RAB27A: variants seen among roughly 807,000 people sequenced by gnomAD.
RAB27A encodes the protein RAB27A, member RAS oncogene family.
A neutral mutation model predicts 20.8 loss-of-function variants in RAB27A; 17 were observed. The ratio of observed to expected loss-of-function variants is 0.82; its 90% CI spans 0.56 to 1.23. The LOEUF (loss-of-function observed/expected upper bound fraction) is 1.23. Ranked by LOEUF, RAB27A falls within the 50% of genes most tolerant of loss-of-function variation. The probability of loss-of-function intolerance (pLI) is 0.00; values close to 1 mark genes in which losing one functional copy is unlikely to be tolerated. For synonymous variants in RAB27A, 85 were observed against 92.8 expected (o/e 0.92, Z 0.48); for missense variants, 277 against 266.7 (o/e 1.04, Z -0.27).
chr15:55,295,793 T>C (rs934096739), intron 2 of RAB27A, among the ~76,000 whole-genome samples: 1 of 152,160 alleles, frequency 6.6e-6, no homozygotes, highest in Non-Finnish European at 1.5e-5. Context: ...TTGCACAACA[T>C]TGTGAATGTA....
rs1445785656 is a variant in RAB27A, at chr15:55,303,586, AGCCGCCCCG to A, written c.-112+10444_-112+10452del. On this transcript the variant is annotated intron_variant, in intron 2 of 5. Coordinates refer to the RAB27A transcript ENST00000563262. Reference sequence around the variant, plus strand: ...GGGGGGGTCGGCCCCCCGCCCGGCCAGCCGCCCCGTCCGGGAGGGAGGTGAGGGGGTCGG... The same window carrying A: ...GGGGGGGTCGGCCCCCCGCCCGGCCATCCGGGAGGGAGGTGAGGGGGTCGG... Among the ~76,000 whole-genome samples, 18 of 79,702 alleles carry A rather than the reference AGCCGCCCCG, an allele frequency of 2.3e-4. 1 individual carries two copies. The highest frequency in any genetic ancestry group is 7.3e-5 in the Non-Finnish European group (3 of 41,166). The allele number at this position is 79,702 out of a possible 152,430, so 52.3% of individuals were successfully genotyped here.
chr15:55,287,401 C>T (rs1898185052), intron 1 of RAB27A, among the ~76,000 whole-genome samples: 1 of 152,094 alleles, frequency 6.6e-6, no homozygotes, highest in Non-Finnish European at 1.5e-5. Context: ...ACTTTAAAAC[C>T]CTTACATCTA....
intron 2 of RAB27A, among the ~76,000 whole-genome samples, chr15:55,302,540 C>G (rs2054976951): frequency 6.7e-6 from 1 of 148,406 alleles, no homozygotes; most frequent in African/African-American, 2.5e-5. Flanking sequence ...CGCCCATCGT[C>G]TGGGATGCGA....
intron 1 of RAB27A, among the ~76,000 whole-genome samples, chr15:55,285,369 A>AG (rs1898123464): frequency 6.6e-6 from 1 of 152,076 alleles, no homozygotes; most frequent in Admixed American, 6.6e-5. Flanking sequence ...CTCGTAAGAG[A>AG]GGCATCTAAT....
chr15:55,259,576 C>A (rs1897203528), intron 2 of RAB27A, among the ~76,000 whole-genome samples: 1 of 152,158 alleles, frequency 6.6e-6, no homozygotes, highest in Non-Finnish European at 1.5e-5. Context: ...TGTGAGCCAC[C>A]ATGCCCAGCC....
rs1896186645 is a variant in RAB27A at position 55,234,814 on chromosome 15, T to C, written c.121A>G (p.Thr41Ala). 4.3e-6 allele frequency: 7 copies of C among 1,611,984 alleles called. No homozygotes were observed. The highest frequency in any genetic ancestry group is 5.9e-6 in the Non-Finnish European group (7 of 1,178,290). The change falls in exon 3 of 7, where the codon ACA (threonine) becomes GCA (alanine). Residue 41 changes from threonine (T) to alanine (A), a missense_variant. Thr to Ala is a moderately conservative substitution (Grantham distance 58). Coordinates refer to ENST00000336787, the MANE Select transcript of RAB27A (RefSeq NM_183235.3). ...TTTTCCCTGAAATCAATGCCCACTG[T>C]TGTGATAAATTTGGAGTTAAATTTA... Reference protein sequence around the residue: ...DGKFNSKFITTVGIDFREKRV... With the variant: ...DGKFNSKFITAVGIDFREKRV...
chr15:55,250,044 C>T (rs1739084564), intron 2 of RAB27A, among the ~76,000 whole-genome samples: 1 of 152,056 alleles, frequency 6.6e-6, no homozygotes, highest in Non-Finnish European at 1.5e-5. Context: ...CTCACTGAAA[C>T]CACCACCTCC....
intron 2 of RAB27A, among the ~76,000 whole-genome samples, chr15:55,302,070 G>A (rs987727531): frequency 2.0e-5 from 3 of 151,704 alleles, no homozygotes; most frequent in Admixed American, 6.6e-5. Flanking sequence ...CCACCTATTC[G>A]GGAGGCTAAG....
At chr15:55,250,119 C>T (rs563898986) in intron 2 of RAB27A, among the ~76,000 whole-genome samples, 2 of 152,130 alleles carry the variant, frequency 1.3e-5, no homozygotes, top group African/African-American at 2.4e-5. Flanking sequence ...TGCGCAACCA[C>T]GCCCAGCTAA....
At chr15:55,256,616 T>C (rs1161383578) in intron 2 of RAB27A, among the ~76,000 whole-genome samples, 2 of 152,210 alleles carry the variant, frequency 1.3e-5, no homozygotes, top group African/African-American at 4.8e-5. Context: ...AGGATACAAA[T>C]GTGCCTCAGA....
chr15:55,239,357 G>A (rs1228167378), intron 2 of RAB27A, among the ~76,000 whole-genome samples: 1 of 152,138 alleles, frequency 6.6e-6, no homozygotes, highest in African/African-American at 2.4e-5. Context: ...ACAATCAGAA[G>A]CAACAAAAAC....
At chr15:55,248,293 C>T (rs1896763849) in intron 2 of RAB27A, among the ~76,000 whole-genome samples, 1 of 152,184 alleles carries the variant, frequency 6.6e-6, no homozygotes, top group African/African-American at 2.4e-5. Flanking sequence ...CATCTGGGTG[C>T]CATAACCTCT....
intron 1 of RAB27A, among the ~76,000 whole-genome samples, chr15:55,288,411 C>T (rs1041342820): frequency 2.0e-5 from 3 of 152,128 alleles, no homozygotes; most frequent in Non-Finnish European, 4.4e-5. Flanking sequence ...ATTCCAGCTA[C>T]TCTGGAGTCT....
At position 55,299,592 on chromosome 15, in the gene RAB27A, C is replaced by CAAAA. The variant is rs570200207; in HGVS notation, c.-112+14443_-112+14446dup. On this transcript the variant is annotated intron_variant, in intron 2 of 5. Coordinates refer to the RAB27A transcript ENST00000563262. ...TAGGTGACACAGTGAGAATCTGTCTCAAAAAAAAAAAAAAAAAAAGTCAGT... is the reference window on the plus strand; with the variant it reads ...TAGGTGACACAGTGAGAATCTGTCTCAAAAAAAAAAAAAAAAAAAAAAAGTCAGT... Among the ~76,000 whole-genome samples the CAAAA allele has an allele frequency of 8.2e-4, 58 of 70,304 alleles. 1 individual carries two copies. The highest frequency in any genetic ancestry group is 2.8e-3 in the African/African-American group (52 of 18,478). The allele number at this position is 70,304 out of a possible 152,430, so 46.1% of individuals were successfully genotyped here.
At chr15:55,206,311 T>TG in intron 6 of RAB27A, 1 of 784,646 alleles carries the variant, frequency 1.3e-6, no homozygotes, top group Non-Finnish European at 1.5e-6. Flanking sequence ...TAGGGGATTC[T>TG]GGAAGACAGA....
Position 55,230,493 on chromosome 15 carries a change from C to G in RAB27A, c.154-7G>C, listed in dbSNP as rs1199745486. 1.9e-6 allele frequency: 3 copies of G among 1,609,646 alleles called. No individual in the cohort carries two copies. The East Asian group carries it at 6.7e-5, about 36-fold the overall frequency. On this transcript the variant is annotated splice_polypyrimidine_tract_variant and splice_region_variant and intron_variant, in intron 3 of 6. Transcript: ENST00000336787. The stretch of plus-strand genomic sequence containing the variant: ...GCCCACTGGCTCTGTACACCTAAAA[C>G]AGCAAAGTGAAAGAGAAAACAAAAG...
chr15:55,210,628 C>T (rs911674233), intron 6 of RAB27A, among the ~76,000 whole-genome samples: 2 of 151,974 alleles, frequency 1.3e-5, no homozygotes, highest in African/African-American at 4.8e-5. Flanking sequence ...TTTGTTTTTG[C>T]TATTGAGTTA....
At chr15:55,255,174 T>C (rs1248694270) in intron 2 of RAB27A, among the ~76,000 whole-genome samples, 1 of 152,216 alleles carries the variant, frequency 6.6e-6, no homozygotes, top group Non-Finnish European at 1.5e-5. Flanking sequence ...CACCTACTTA[T>C]GTCTCTTTTC....
chr15:55,274,053 C>A lies in RAB27A; in HGVS notation c.-142-3769G>T, dbSNP rs144699582. ...ATCGAAATCATATTAATTATCTTTT[C>A]TGACCACACCGATATGTAACTAGAA... On this transcript the variant is annotated intron_variant, in intron 1 of 6. Coordinates refer to ENST00000336787, the MANE Select transcript of RAB27A (RefSeq NM_183235.3). Among the ~76,000 whole-genome samples, 145 of 152,304 alleles carry A rather than the reference C, an allele frequency of 9.5e-4. 1 individual carries two copies. The highest frequency in any genetic ancestry group is 3.4e-3 in the African/African-American group (140 of 41,556).
Sources: gnomAD v4.1 joint callset for allele counts (sites outside exome capture counted in the v4.1 genomes callset) on GRCh38, gnomAD v4.1.1 for gene constraint, MANE v1.5 for transcripts, NCBI Gene and HGNC (gene_info 2026-07-23, HGNC 2026-07-21) for gene names.